RHBG: variants seen among roughly 807,000 people sequenced by gnomAD.
RHBG encodes the protein ammonium transporter Rh type B.
RHBG carries 39 observed loss-of-function variants against 40.1 expected under a neutral mutation model. That is an observed-to-expected ratio of 0.97 (90% CI 0.75 to 1.27). RHBG has a LOEUF of 1.27. Ranked by LOEUF, RHBG falls within the 50% of genes most tolerant of loss-of-function variation. The pLI is 0.00. For missense variants in RHBG, 549 were observed against 588.1 expected, an observed-to-expected ratio of 0.93 and a Z score of 0.69; for synonymous variants, 237 against 252.5, an observed-to-expected ratio of 0.94 and a Z score of 0.58.
rs760190289 is a variant in RHBG, at chr1:156,378,238, C to G, written c.526-14C>G. The G allele has an allele frequency of 7.4e-6, 12 of 1,613,214 alleles. No homozygotes were observed. The Admixed American group carries it at 2.0e-4, about 27-fold the overall frequency. ...GGTGGGGGCGGGGTGCTGCCTCTCACCCCACCTCCCCAGGTGAGAGATGCC... is the reference window on the plus strand; with the variant it reads ...GGTGGGGGCGGGGTGCTGCCTCTCAGCCCACCTCCCCAGGTGAGAGATGCC... On this transcript the variant is annotated splice_polypyrimidine_tract_variant and intron_variant, in intron 3 of 9. Coordinates refer to ENST00000537040, the MANE Select transcript of RHBG (RefSeq NM_020407.5).
In RHBG at chr1:156,382,817, C is replaced by T; in HGVS notation, c.1182C>T (p.Leu394=). 3 of 1,614,260 alleles carry T rather than the reference C, an allele frequency of 1.9e-6. No homozygotes were observed. Among genetic ancestry groups the T allele is most frequent in the Non-Finnish European group, 2.5e-6 (3 of 1,180,046 alleles). The change falls in exon 8 of 10, where the codon CTC becomes CTT. Residue 394 remains leucine (L), a synonymous_variant. Coordinates refer to ENST00000537040, the MANE Select transcript of RHBG (RefSeq NM_020407.5). ...RSATSQAMHQ[L]FGLFVTLMFA... ...CCACGTCACAGGCCATGCACCAGCT[C>T]TTCGGGCTGTTTGTCACACTGATGT...
chr1:156,384,579 C>T lies in RHBG; in HGVS notation c.1287C>T (p.Tyr429=), dbSNP rs781163853. The change falls in exon 9 of 10, where the codon TAC becomes TAT. Residue 429 remains tyrosine, a synonymous_variant. Coordinates refer to ENST00000537040, the MANE Select transcript of RHBG (RefSeq NM_020407.5). The part of the protein sequence containing the change: ...FLDSPPDSQH[Y]EDQVHWQVPG... ...ACTCCCCCCCAGACTCCCAGCACTACGAGGACCAAGTTCACTGGCAGGTGA... is the reference window on the plus strand; with the variant it reads ...ACTCCCCCCCAGACTCCCAGCACTATGAGGACCAAGTTCACTGGCAGGTGA... 30 of 1,583,326 alleles carry T rather than the reference C, an allele frequency of 1.9e-5. No individual in the cohort carries two copies. Among genetic ancestry groups the T allele is most frequent in the Middle Eastern group, 1.7e-4 (1 of 5,938 alleles).
At chr1:156,383,847 T>C (rs1266487510) in intron 8 of RHBG, among the ~76,000 whole-genome samples, 1 of 129,004 alleles carries the variant, frequency 7.8e-6, no homozygotes, top group Non-Finnish European at 1.7e-5. Flanking sequence ...TTTTTTTTTT[T>C]TTTGAGACGG....
chr1:156,384,519 A>C lies in RHBG; in HGVS notation c.1235-8A>C. ...GAAGCCTCACAGATCCTCCCCTACC[A>C]CCACCAGGGCTCCTGCTGAAGCTAC... On this transcript the variant is annotated splice_region_variant and splice_polypyrimidine_tract_variant and intron_variant, in intron 8 of 9. Transcript: ENST00000537040. 1 of 1,612,332 alleles carries C rather than the reference A, an allele frequency of 6.2e-7. No homozygotes were observed. Among genetic ancestry groups the C allele is most frequent in the Non-Finnish European group, 8.5e-7 (1 of 1,179,220 alleles).
rs113598440 is a variant in RHBG, at chr1:156,377,294, G to A, written c.188-7G>A. 4,837 of 1,612,296 alleles carry A rather than the reference G, an allele frequency of 3.0e-3. 118 individuals are homozygous for A. The African/African-American group carries it at 0.056, about 19-fold the overall frequency. On this transcript the variant is annotated splice_region_variant and splice_polypyrimidine_tract_variant and intron_variant, in intron 1 of 9. Coordinates refer to ENST00000537040, the MANE Select transcript of RHBG (RefSeq NM_020407.5). The surrounding 1 kb of genome is among the most constrained non-coding windows in gnomAD (Gnocchi z 4.6). ...CCAAGTGCCCCGCCTGTCCCTGCCC[G>A]CTGCAGGCTTCCAGGACGTGCATGC...
At chr1:156,369,630 A>C (rs1051088532) in intron 1 of RHBG, among the ~76,000 whole-genome samples, 194 bp downstream of exon 1, 8 of 152,136 alleles carry the variant, frequency 5.3e-5, no homozygotes, top group African/African-American at 1.9e-4. Flanking sequence ...GTGCTGATAC[A>C]TATGCCTTAT....
intron 1 of RHBG, chr1:156,371,694 G>C (rs1666873594): frequency 6.5e-6 from 1 of 153,674 alleles, no homozygotes; most frequent in Non-Finnish European, 1.4e-5. Context: ...AGAGAGTTGG[G>C]AGGGAACAGT....
chr1:156,378,277 C>G lies in RHBG; in HGVS notation c.551C>G (p.Thr184Ser). The G allele has an allele frequency of 6.2e-7, 1 of 1,614,012 alleles. No homozygotes were observed. The highest frequency in any genetic ancestry group is 8.5e-7 in the Non-Finnish European group (1 of 1,180,020). ...LGVRDAGGSM[T>S]IHTFGAYFGL... The stretch of plus-strand genomic sequence containing the variant: ...GTGAGAGATGCCGGAGGCTCCATGA[C>G]TATCCACACCTTTGGTGCCTACTTC... The change falls in exon 4 of 10, where the codon ACT (threonine) becomes AGT (serine). Residue 184 changes from threonine (T) to serine (S), a missense_variant. Transcript: ENST00000537040.
chr1:156,374,180 G>A (rs1267920499), intron 1 of RHBG, among the ~76,000 whole-genome samples: 1 of 151,994 alleles, frequency 6.6e-6, no homozygotes, highest in Non-Finnish European at 1.5e-5. Flanking sequence ...GTGCATGTGA[G>A]GGATCTAGAT....
At chr1:156,372,853 A>G (rs1356510323) in intron 1 of RHBG, among the ~76,000 whole-genome samples, 1 of 152,212 alleles carries the variant, frequency 6.6e-6, no homozygotes, top group Non-Finnish European at 1.5e-5. Context: ...GTGCAGTGGC[A>G]TGATCACAGT....
chr1:156,370,580 C>A (rs1183704288), intron 1 of RHBG, among the ~76,000 whole-genome samples: 2 of 130,886 alleles, frequency 1.5e-5, no homozygotes, highest in African/African-American at 5.6e-5. Flanking sequence ...CCACTGCACT[C>A]CAGACTGGGC....
At position 156,377,188 on chromosome 1, in the gene RHBG, C is replaced by A; in HGVS notation, c.188-113C>A. The A allele has an allele frequency of 8.0e-7, 1 of 1,245,418 alleles. No individual in the cohort carries two copies. The highest frequency in any genetic ancestry group is 1.1e-6 in the Non-Finnish European group (1 of 876,652). The allele number at this position is 1,245,418 out of a possible 1,614,324, so 77.1% of individuals were successfully genotyped here. Reference sequence around the variant, plus strand: ...TGCCTGGGGAGTTTTATAGGCTCGGCTCAAGGCAGCCCTGGCTGGTGAGAG... The same window carrying A: ...TGCCTGGGGAGTTTTATAGGCTCGGATCAAGGCAGCCCTGGCTGGTGAGAG... On this transcript the variant is annotated intron_variant, in intron 1 of 9. Coordinates refer to ENST00000537040, the MANE Select transcript of RHBG (RefSeq NM_020407.5). The surrounding 1 kb of genome is among the most constrained non-coding windows in gnomAD (Gnocchi z 4.6).
intron 1 of RHBG, chr1:156,374,599 T>TTG (rs1553190925): frequency 4.5e-6 from 2 of 445,776 alleles, no homozygotes; most frequent in Non-Finnish European, 8.9e-6. Flanking sequence ...TTTTTTTTTT[T>TTG]TTTTTAGATG....
chr1:156,377,960 C>G lies in RHBG; in HGVS notation c.375-30C>G. On this transcript the variant is annotated intron_variant, in intron 2 of 9. Transcript: ENST00000537040. This position sits in a 1 kb window ranked among gnomAD's most constrained non-coding sequence, Gnocchi z 4.6. ...CCCGAGGCCAGCCTCTCTGACCCCTCTTGTGCTCCCACTTCTGCCCCATCC... is the reference window on the plus strand; with the variant it reads ...CCCGAGGCCAGCCTCTCTGACCCCTGTTGTGCTCCCACTTCTGCCCCATCC... The G allele has an allele frequency of 6.6e-7, 1 of 1,522,412 alleles. No individual in the cohort carries two copies. 94.3% of individuals were successfully genotyped at this position (1,522,412 alleles called of 1,614,324 possible).
rs758100020 is a variant in RHBG at position 156,381,815 on chromosome 1, CA to C, written c.854del (p.Asn285MetfsTer16). 6.3e-7 allele frequency: 1 copy of C among 1,583,626 alleles called. No homozygotes were observed. The highest frequency in any genetic ancestry group is 8.5e-7 in the Non-Finnish European group (1 of 1,172,416). On this transcript the variant is annotated frameshift_variant, in exon 6 of 10. Transcript: ENST00000537040. LOFTEE classifies it high-confidence loss of function. ...EDGRLDMVHI[Q>X]NAALAGGVVV... is the part of the protein sequence containing the mutation. ...CTTGCTCTTCCCTTAGGTCCACATC[CA>C]AAATGCAGCGCTGGCTGGAGGGGTT... is the stretch of plus-strand genomic sequence containing the variant.
In RHBG at chr1:156,378,095, G is replaced by A. The variant is rs778952526; in HGVS notation, c.480G>A (p.Val160=). ...TGCTGCTCATGGCCCTGCTGGAGGT[G>A]GTGCTGTTTGGCATCAATGAGTTTG... The part of the protein sequence containing the change: ...TQLLLMALLE[V]VLFGINEFVL... The change falls in exon 3 of 10, where the codon GTG becomes GTA. Residue 160 remains valine (V), a synonymous_variant. Coordinates refer to ENST00000537040, the MANE Select transcript of RHBG (RefSeq NM_020407.5). 36 of 1,612,416 alleles carry A rather than the reference G, an allele frequency of 2.2e-5. No homozygotes were observed. Among genetic ancestry groups the A allele is most frequent in the Middle Eastern group, 1.6e-4 (1 of 6,070 alleles).
Position 156,377,496 on chromosome 1 carries a change from CCGCCACCCACCCAGCT to C in RHBG, c.374+11_374+26del. On this transcript the variant is annotated intron_variant, in intron 2 of 9. Coordinates refer to ENST00000537040, the MANE Select transcript of RHBG (RefSeq NM_020407.5). This position sits in a 1 kb window ranked among gnomAD's most constrained non-coding sequence, Gnocchi z 4.6. ...CATGTTGGCGTGGAGAGGTGGGCAG[CCGCCACCCACCCAGCT>C]CCCCAAGGTTCACTCGGGAGGCCCC... is the stretch of plus-strand genomic sequence containing the variant. 4 of 1,599,204 alleles carry C rather than the reference CCGCCACCCACCCAGCT, an allele frequency of 2.5e-6. No homozygotes were observed. Among genetic ancestry groups the C allele is most frequent in the Non-Finnish European group, 3.4e-6 (4 of 1,168,284 alleles).
intron 4 of RHBG, among the ~76,000 whole-genome samples, chr1:156,379,734 G>T (rs1035551476): frequency 1.3e-5 from 2 of 152,094 alleles, no homozygotes; most frequent in Admixed American, 6.5e-5. Flanking sequence ...CCAGATTGCC[G>T]GGCTGCTGGG....
intron 1 of RHBG, among the ~76,000 whole-genome samples, chr1:156,376,638 A>T (rs1667221012): frequency 6.6e-6 from 1 of 152,264 alleles, no homozygotes; most frequent in South Asian, 2.1e-4. Flanking sequence ...TGCTGGGATT[A>T]CAGGTGTGAG....
Sources: gnomAD v4.1 joint callset for allele counts (sites outside exome capture counted in the v4.1 genomes callset) on GRCh38, gnomAD v4.1.1 for gene constraint, Gnocchi (gnomAD v3.1) non-coding constraint, MANE v1.5 for transcripts, NCBI Gene and HGNC (gene_info 2026-07-23, HGNC 2026-07-21) for gene names.